The following PLCG2 variants were observed in gnomAD, a reference collection of about 807,000 sequenced individuals.
The protein encoded by PLCG2 is phospholipase C gamma 2, also known as 1-phosphatidylinositol 4,5-bisphosphate phosphodiesterase gamma-2.
A neutral mutation model predicts 175.6 loss-of-function variants in PLCG2; 69 were observed. The observed-to-expected ratio is 0.39, with a 90% CI of 0.32 to 0.48. The LOEUF (loss-of-function observed/expected upper bound fraction) is 0.48, where lower values mean the gene tolerates loss of function less well. Ranked by LOEUF, PLCG2 falls within the 20% of genes least tolerant of loss-of-function variation. The pLI, the probability that PLCG2 is intolerant of heterozygous loss-of-function variation, is 0.91. For missense variants in PLCG2, 1,798 were observed against 1,650.9 expected (o/e 1.09, Z -1.54); for synonymous variants, 827 against 624.0 (o/e 1.33, Z -4.85).
intron 2 of PLCG2, among the ~76,000 whole-genome samples, chr16:81,832,376 G>A (rs1318624716): frequency 6.6e-6 from 1 of 152,108 alleles, no homozygotes; most frequent in Non-Finnish European, 1.5e-5. Flanking sequence ...TTTCCTTTTT[G>A]AGTAGAATCT....
chr16:81,838,101 C>T (rs112763388), intron 2 of PLCG2, among the ~76,000 whole-genome samples: 5,634 of 148,964 alleles, frequency 0.038, 141 homozygotes, highest in Middle Eastern at 0.059. Context: ...TTTTTTGAGG[C>T]GGAGTCTGGC....
chr16:81,744,410 G>A (rs1006684379), intron 1 of PLCG2, among the ~76,000 whole-genome samples: 6 of 151,980 alleles, frequency 3.9e-5, no homozygotes, highest in Non-Finnish European at 7.4e-5. Context: ...TGATCTGCCC[G>A]CCTTGCCCTC....
intron 2 of PLCG2, among the ~76,000 whole-genome samples, chr16:81,823,417 G>C (rs149439306): frequency 3.4e-4 from 52 of 152,338 alleles, no homozygotes; most frequent in African/African-American, 1.2e-3. Flanking sequence ...CCCCATGAGA[G>C]TCCAGGTGAA....
upstream of PLCG2, among the ~76,000 whole-genome samples, chr16:81,775,118 C>T (rs147454893): frequency 4.3e-3 from 657 of 152,252 alleles, 8 homozygotes; most frequent in African/African-American, 0.015. Context: ...GTAAAGTGTA[C>T]AGTACAGAGG....
At chr16:81,897,401 G>T (rs938773618) in intron 13 of PLCG2, among the ~76,000 whole-genome samples, 6 of 152,164 alleles carry the variant, frequency 3.9e-5, no homozygotes, top group Non-Finnish European at 7.3e-5. Context: ...AAAAATAGAG[G>T]TGATAACTGT....
At chr16:81,771,151 C>G in intron 2 of PLCG2, among the ~76,000 whole-genome samples, 1 of 152,200 alleles carries the variant, frequency 6.6e-6, no homozygotes, top group Admixed American at 6.5e-5. Context: ...CATGTGACCA[C>G]AAGATCAAAA....
At chr16:81,752,960 G>A (rs928340720) in intron 1 of PLCG2, among the ~76,000 whole-genome samples, 3 of 152,270 alleles carry the variant, frequency 2.0e-5, no homozygotes, top group African/African-American at 7.2e-5. Context: ...CATCTGTGTA[G>A]TGGAGACCAA....
rs573223149 is a variant in PLCG2 at position 81,814,180 on chromosome 16, C to T, written c.193+27998C>T. On this transcript the variant is annotated intron_variant, in intron 2 of 32. Coordinates refer to ENST00000564138, the MANE Select transcript of PLCG2 (RefSeq NM_002661.5). ...AGGATATAAATGTCTTAAGATACAGCGGAGGGGAATGGTACCGGGTCTGAA... is the reference window on the plus strand; with the variant it reads ...AGGATATAAATGTCTTAAGATACAGTGGAGGGGAATGGTACCGGGTCTGAA... 5.5e-4 allele frequency among the ~76,000 whole-genome samples: 83 copies of T among 152,196 alleles called. No individual in the cohort carries two copies. The South Asian group carries it at 0.011, about 20-fold the overall frequency.
rs1430068302 is a variant in PLCG2, at chr16:81,956,884, G to C, written c.3755+5G>C. The C allele has an allele frequency of 3.7e-6, 6 of 1,611,184 alleles. No homozygotes were observed. The African/African-American group carries it at 5.3e-5, about 14-fold the overall frequency. On this transcript the variant is annotated splice_donor_5th_base_variant and intron_variant, in intron 32 of 32. Transcript: ENST00000564138. The stretch of plus-strand genomic sequence containing the variant: ...CCAGGAGAAATGCAACAAGAGGTAG[G>C]TCAGCCCCTCCACCTGCAAAAACTT...
intron 2 of PLCG2, among the ~76,000 whole-genome samples, chr16:81,802,253 C>T (rs1424166098): frequency 2.6e-5 from 4 of 151,692 alleles, no homozygotes; most frequent in Admixed American, 2.0e-4. Context: ...GTTGGGATTA[C>T]AGGCGCCCGC....
chr16:81,860,143 C>CTGT (rs1555513287), intron 5 of PLCG2, among the ~76,000 whole-genome samples: 2 of 126,456 alleles, frequency 1.6e-5, no homozygotes, highest in Non-Finnish European at 3.3e-5. Context: ...GGCTTATTTA[C>CTGT]TATTATTATT....
At chr16:81,927,029 G>A (rs1262245120) in intron 22 of PLCG2, 53 bp from the exon 23 acceptor site, 2 of 1,164,996 alleles carry the variant, frequency 1.7e-6, no homozygotes, top group Non-Finnish European at 2.6e-6. Context: ...AGCAGTAGTG[G>A]GTAATTCATG....
intron 2 of PLCG2, among the ~76,000 whole-genome samples, chr16:81,808,435 A>G (rs1181267247): frequency 6.6e-6 from 1 of 152,222 alleles, no homozygotes; most frequent in Non-Finnish European, 1.5e-5. Flanking sequence ...CCAAGCCCAC[A>G]GCACTGAGTT....
At position 81,894,241 on chromosome 16, in the gene PLCG2, C is replaced by T. The variant is rs116139566; in HGVS notation, c.1072+447C>T. Among the ~76,000 whole-genome samples, 1,255 of 151,902 alleles carry T rather than the reference C, an allele frequency of 8.3e-3. 20 individuals carry two copies. The highest frequency in any genetic ancestry group is 0.028 in the African/African-American group (1,156 of 41,428). ...GCCAAGAGTTTGAGACCAGCCTGGG[C>T]GACATGGTGAGATCGTATCATTACG... On this transcript the variant is annotated intron_variant, in intron 12 of 32. Coordinates refer to ENST00000564138, the MANE Select transcript of PLCG2 (RefSeq NM_002661.5).
intron 2 of PLCG2, among the ~76,000 whole-genome samples, chr16:81,845,665 G>A (rs962428481): frequency 1.5e-4 from 23 of 152,210 alleles, no homozygotes; most frequent in African/African-American, 4.6e-4. Context: ...AATGCACTGC[G>A]TTGAGCGCAG....
At chr16:81,918,562 G>C (rs994442416) in intron 19 of PLCG2, among the ~76,000 whole-genome samples, 1 of 152,140 alleles carries the variant, frequency 6.6e-6, no homozygotes, top group African/African-American at 2.4e-5. Context: ...GACTGTAAAT[G>C]CATGGATTTA....
At chr16:81,957,290 C>G (rs1911613199) in intron 32 of PLCG2, among the ~76,000 whole-genome samples, 1 of 151,094 alleles carries the variant, frequency 6.6e-6, no homozygotes. Flanking sequence ...CAGAGGGAGA[C>G]TCTGTCAAAC....
Position 81,928,563 on chromosome 16 carries a change from T to G in PLCG2, c.2520T>G (p.Ile840Met). The change falls in exon 24 of 33, where the codon ATT becomes ATG. Residue 840 changes from isoleucine (I) to methionine (M), a missense_variant. Physicochemically the swap from Ile to Met is conservative, Grantham distance 10 (BLOSUM62 1). Transcript: ENST00000564138. ...TATGTCTTGTTTCTTCACAGATTAT[T>G]GAAGACAATCCCTTAGGGTCTCTTT... Reference protein sequence around the residue: ...ADFEELEKQIIEDNPLGSLCR... With the variant: ...ADFEELEKQIMEDNPLGSLCR... 1.2e-6 allele frequency: 2 copies of G among 1,601,030 alleles called. No individual in the cohort carries two copies. The highest frequency in any genetic ancestry group is 1.7e-6 in the Non-Finnish European group (2 of 1,167,996).
intron 26 of PLCG2, 83 bp from the exon 27 acceptor site, chr16:81,936,086 G>C: frequency 6.4e-7 from 1 of 1,551,426 alleles, no homozygotes; most frequent in Non-Finnish European, 8.7e-7. Flanking sequence ...TTTATAATCT[G>C]AGCATCCAGC....
Sources: allele counts gnomAD v4.1 joint callset (sites outside exome capture counted in the v4.1 genomes callset), GRCh38; gene constraint gnomAD v4.1.1; transcripts MANE v1.5; gene names NCBI Gene and HGNC (gene_info 2026-07-23, HGNC 2026-07-21).